Variants in ANKRD24 observed in about 807,000 individuals in gnomAD.
ANKRD24 encodes ankyrin repeat domain 24, also known as ankyrin repeat domain-containing protein 24.
In ANKRD24, 109 loss-of-function variants were observed where a neutral mutation model predicts 127.8. The observed-to-expected ratio is 0.85, with a 90% confidence interval of 0.73 to 1.00. The LOEUF (loss-of-function observed/expected upper bound fraction) is 1.00. ANKRD24 is among the 50% of genes least tolerant of loss of function. The probability of loss-of-function intolerance (pLI) is 0.00; values close to 1 mark genes in which losing one functional copy is unlikely to be tolerated. For synonymous variants in ANKRD24, 743 were observed against 671.1 expected (o/e 1.11, Z -1.66); for missense variants, 1,648 against 1,570.2 (o/e 1.05, Z -0.84).
intron 18 of ANKRD24, among the ~76,000 whole-genome samples, chr19:4,218,731 C>T (rs958980674): frequency 1.2e-4 from 18 of 149,166 alleles, no homozygotes; most frequent in Non-Finnish European, 1.9e-4. Context: ...CCTTCCCTCC[C>T]CCCTTCCCCT....
Position 4,218,198 on chromosome 19 carries a change from C to G in ANKRD24, c.3003+35C>G, listed in dbSNP as rs572918349. ...GCTGGTCACCACCCGGGCCCCACCC[C>G]CATTGGCCACGTGGCGGCCTGTTTT... On this transcript the variant is annotated intron_variant, in intron 18 of 21. Coordinates refer to ENST00000318934, the MANE Select transcript of ANKRD24 (RefSeq NM_001393985.1). 4.0e-5 allele frequency: 56 copies of G among 1,409,566 alleles called. No homozygotes were observed. In the South Asian group the frequency reaches 7.8e-4, roughly 20 times the overall value. 87.3% of individuals were successfully genotyped at this position (1,409,566 alleles called of 1,614,324 possible).
chr19:4,203,618 G>A (rs957691820), intron 7 of ANKRD24, among the ~76,000 whole-genome samples: 1 of 152,112 alleles, frequency 6.6e-6, no homozygotes, highest in Non-Finnish European at 1.5e-5. Flanking sequence ...CAAAGTGCTG[G>A]AATTACAGGC....
chr19:4,212,724 G>A, intron 15 of ANKRD24, 26 bp downstream of exon 15: 3 of 1,543,734 alleles, frequency 1.9e-6, no homozygotes, highest in Non-Finnish European at 2.6e-6. Context: ...AGTCAGGGCT[G>A]GGCTGGGGCT....
chr19:4,217,150 C>G lies in ANKRD24; in HGVS notation c.1990C>G (p.Pro664Ala). The G allele has an allele frequency of 6.2e-7, 1 of 1,613,054 alleles. No individual in the cohort carries two copies. The highest frequency in any genetic ancestry group is 8.5e-7 in the Non-Finnish European group (1 of 1,179,582). ...CGGAGTGGGTGCTGGGCAAGCAGAG[C>G]CCCCAGTCACAGGGACCACAAACAT... ...AYGVGAGQAE[P>A]PVTGTTNMEA... The change falls in exon 18 of 22, where the codon CCC (proline) becomes GCC (alanine). Residue 664 changes from proline (P) to alanine (A), a missense_variant. Pro to Ala is a conservative substitution (Grantham distance 27). Transcript: ENST00000318934.
chr19:4,196,544 T>C (rs1385920891), intron 2 of ANKRD24, among the ~76,000 whole-genome samples: 1 of 152,080 alleles, frequency 6.6e-6, no homozygotes, highest in African/African-American at 2.4e-5. Flanking sequence ...CTGGCTAATT[T>C]TTGCATTTTT....
Position 4,207,903 on chromosome 19 carries a change from TG to T in ANKRD24, c.769del (p.Ala257ArgfsTer71). ...LGQDAAHYGA[L>X]AGDKLILHLL... ...CAGGACGCGGCTCACTATGGCGCCC[TG>T]GCGGGGGACAAACTCATCCTGCACC... is the stretch of plus-strand genomic sequence containing the variant. On this transcript the variant is annotated frameshift_variant, in exon 10 of 22. Transcript: ENST00000318934. LOFTEE classifies it high-confidence loss of function. 6.4e-7 allele frequency: 1 copy of T among 1,556,368 alleles called. No homozygotes were observed. Among genetic ancestry groups the T allele is most frequent in the Non-Finnish European group, 8.7e-7 (1 of 1,152,912 alleles).
rs1224872910 is a variant in ANKRD24 at position 4,219,728 on chromosome 19, T to G, written c.3141T>G (p.Ala1047=). ...AGGCCCAGAGCCGGGCCCAGGAGGC[T>G]CTGGACAAGGCCAAGGAGAAGGACA... The part of the protein sequence containing the change: ...ARQAQSRAQE[A]LDKAKEKDKK... Residue 1047 remains alanine (A), a synonymous_variant, in exon 19 of 22, where the codon GCT becomes GCG. Coordinates refer to ENST00000318934, the MANE Select transcript of ANKRD24 (RefSeq NM_001393985.1). 6.2e-7 allele frequency: 1 copy of G among 1,612,480 alleles called. No homozygotes were observed. The highest frequency in any genetic ancestry group is 8.5e-7 in the Non-Finnish European group (1 of 1,179,300).
intron 19 of ANKRD24, among the ~76,000 whole-genome samples, 192 bp downstream of exon 19, chr19:4,219,950 C>A (rs909334443): frequency 1.3e-5 from 2 of 152,204 alleles, no homozygotes; most frequent in African/African-American, 4.8e-5. Flanking sequence ...GCTGCTGTTC[C>A]AGGTACCAAT....
chr19:4,192,240 A>G (rs890970607), intron 2 of ANKRD24, among the ~76,000 whole-genome samples: 1 of 152,122 alleles, frequency 6.6e-6, no homozygotes, highest in African/African-American at 2.4e-5. Flanking sequence ...CCTTTACTTT[A>G]GGTTTCAGGA....
At chr19:4,189,909 A>G (rs972925806) in intron 2 of ANKRD24, among the ~76,000 whole-genome samples, 6 of 152,104 alleles carry the variant, frequency 3.9e-5, no homozygotes, top group African/African-American at 1.4e-4. Flanking sequence ...TACTATGAAC[A>G]TGATTGGCCT....
chr19:4,210,511 C>T lies in ANKRD24; in HGVS notation c.1059+139C>T, dbSNP rs1051049492. 2.3e-5 allele frequency: 18 copies of T among 765,986 alleles called. No homozygotes were observed. In the African/African-American group the frequency reaches 2.6e-4, roughly 11 times the overall value. 47.4% of individuals were successfully genotyped at this position (765,986 alleles called of 1,614,324 possible). On this transcript the variant is annotated intron_variant, in intron 13 of 21. Transcript: ENST00000318934. ...CCTGCTGCAGCCACCTGGGCCTCCTCGCTGTTCCTCCAACTCGCCAGGCGC... is the reference window on the plus strand; with the variant it reads ...CCTGCTGCAGCCACCTGGGCCTCCTTGCTGTTCCTCCAACTCGCCAGGCGC...
chr19:4,210,185 C>T, intron 12 of ANKRD24, 47 bp downstream of exon 12: 5 of 1,572,670 alleles, frequency 3.2e-6, no homozygotes, highest in Non-Finnish European at 4.3e-6. Context: ...AGCCCCCAGG[C>T]ACGGGGAGGG....
At chr19:4,208,671 A>T in intron 10 of ANKRD24, 93 bp from the exon 11 acceptor site, 1 of 1,257,368 alleles carries the variant, frequency 8.0e-7, no homozygotes, top group Non-Finnish European at 1.1e-6. Context: ...ATTCTTGGGG[A>T]AATCGGGAGC....
rs1397852626 is a variant in ANKRD24 at position 4,218,008 on chromosome 19, C to T, written c.2848C>T (p.Leu950=). 6.5e-7 allele frequency: 1 copy of T among 1,543,118 alleles called. No homozygotes were observed. The highest frequency in any genetic ancestry group is 1.4e-5 in the African/African-American group (1 of 71,318). ...GGCCACGGGCAAGGAGGCCGCCCGG[C>T]TGCGCGCGGAGCTGGAGCGGGAGCG... ...VVATGKEAAR[L]RAELERERVC... The change falls in exon 18 of 22, where the codon CTG becomes TTG. Residue 950 remains leucine (L), a synonymous_variant. Coordinates refer to ENST00000318934, the MANE Select transcript of ANKRD24 (RefSeq NM_001393985.1).
Position 4,200,175 on chromosome 19 carries a change from C to T in ANKRD24, c.343+4C>T, listed in dbSNP as rs1231886165. 2 of 1,596,022 alleles carry T rather than the reference C, an allele frequency of 1.3e-6. No individual in the cohort carries two copies. Among genetic ancestry groups the T allele is most frequent in the Middle Eastern group, 1.8e-4 (1 of 5,582 alleles). Reference sequence around the variant, plus strand: ...GTCATGAGCGCGGACGGGGCAGGTACTGCCAGCTGGGCCCCGGGGAGGGAG... The same window carrying T: ...GTCATGAGCGCGGACGGGGCAGGTATTGCCAGCTGGGCCCCGGGGAGGGAG... On this transcript the variant is annotated splice_donor_region_variant and intron_variant, in intron 5 of 21. Coordinates refer to ENST00000318934, the MANE Select transcript of ANKRD24 (RefSeq NM_001393985.1).
intron 21 of ANKRD24, 48 bp downstream of exon 21, chr19:4,224,240 G>C (rs1447497435): frequency 1.3e-6 from 2 of 1,552,254 alleles, no homozygotes; most frequent in East Asian, 4.6e-5. Context: ...GCATACCACT[G>C]TTGCTCTCTG....
At chr19:4,210,478 C>T (rs1405371250) in intron 13 of ANKRD24, 106 bp downstream of exon 13, 1 of 1,035,292 alleles carries the variant, frequency 9.7e-7, no homozygotes, top group Admixed American at 2.8e-5. Context: ...ATCTCTCTCC[C>T]TCCCCACCCT....
rs1396922862 is a variant in ANKRD24 at position 4,207,947 on chromosome 19, C to T, written c.811C>T (p.Gln271Ter). 1 of 1,518,104 alleles carries T rather than the reference C, an allele frequency of 6.6e-7. No homozygotes were observed. Among genetic ancestry groups the T allele is most frequent in the East Asian group, 2.4e-5 (1 of 42,322 alleles). 94.0% of individuals were successfully genotyped at this position (1,518,104 alleles called of 1,614,324 possible). A position where few individuals can be genotyped will look rare whatever the true frequency, so the allele number is the denominator to read the frequency against. The change falls in exon 10 of 22, where the codon CAG becomes TAG. Residue 271 changes from glutamine (Q) to a stop codon, truncating the protein, a stop_gained. Transcript: ENST00000318934. LOFTEE classifies it high-confidence loss of function. ...LILHLLQEAA[Q>*]RPSPPSALTE... ...CCTGCACCTTCTGCAAGAGGCGGCC[C>T]AGCGCCCCTCCCCACCCAGCGGTAT...
intron 11 of ANKRD24, chr19:4,209,006 C>G: frequency 2.1e-6 from 1 of 465,188 alleles, no homozygotes; most frequent in Non-Finnish European, 3.9e-6. Flanking sequence ...CTGGATGGGG[C>G]CAAATTATGG....
Sources: allele counts gnomAD v4.1 joint callset (sites outside exome capture counted in the v4.1 genomes callset), GRCh38; gene constraint gnomAD v4.1.1; transcripts MANE v1.5; gene names NCBI Gene and HGNC (gene_info 2026-07-23, HGNC 2026-07-21).